The following LRMDA variants were observed in gnomAD, a reference collection of about 807,000 sequenced individuals.
LRMDA encodes leucine rich melanocyte differentiation associated.
Under a neutral mutation model 29.8 loss-of-function variants are expected in LRMDA, and 18 were observed. The ratio of observed to expected loss-of-function variants is 0.60; its 90% CI spans 0.42 to 0.90. LRMDA has a LOEUF of 0.90. Among genes scored for constraint, LRMDA ranks in the 40% least tolerant of loss-of-function variants. The probability of loss-of-function intolerance (pLI) is 0.00; values close to 1 mark genes in which losing one functional copy is unlikely to be tolerated. For synonymous variants in LRMDA, 125 were observed against 109.4 expected, an observed-to-expected ratio of 1.14 and a Z score of -0.89; for missense variants, 273 against 273.9, an observed-to-expected ratio of 1.00 and a Z score of 0.02.
intron 2 of LRMDA, among the ~76,000 whole-genome samples, chr10:75,798,735 G>A (rs1843696581): frequency 6.6e-6 from 1 of 151,968 alleles, no homozygotes; most frequent in South Asian, 2.1e-4. Context: ...TGTTTTAGAA[G>A]TGTATAGTTT....
In LRMDA at chr10:76,276,065, CTCTT is replaced by C. The variant is rs370080893; in HGVS notation, c.517-48328_517-48325del. Among the ~76,000 whole-genome samples the C allele has an allele frequency of 6.0e-3, 887 of 147,168 alleles. 10 individuals carry two copies. The highest frequency in any genetic ancestry group is 0.021 in the African/African-American group (845 of 40,270). On this transcript the variant is annotated intron_variant, in intron 5 of 6. Coordinates refer to ENST00000611255, the MANE Select transcript of LRMDA (RefSeq NM_001305581.2). The stretch of plus-strand genomic sequence containing the variant: ...TCTATCTATCTATCTCTTTCTTTCT[CTCTT>C]TCTTTCTCTCTCTTTCTTTCTTTCT...
intron 2 of LRMDA, among the ~76,000 whole-genome samples, chr10:75,645,229 C>T (rs988895466): frequency 2.4e-4 from 37 of 152,308 alleles, no homozygotes; most frequent in African/African-American, 8.4e-4. Context: ...GTGATGTACC[C>T]GCCTCAGTCT....
chr10:76,481,029 A>T (rs1222748107), intron 6 of LRMDA, among the ~76,000 whole-genome samples: 1 of 151,928 alleles, frequency 6.6e-6, no homozygotes, highest in East Asian at 1.9e-4. Flanking sequence ...TTTAGAATTC[A>T]GAAGCACTTA....
At chr10:75,784,427 C>T (rs184790041) in intron 2 of LRMDA, among the ~76,000 whole-genome samples, 3 of 152,218 alleles carry the variant, frequency 2.0e-5, no homozygotes, top group East Asian at 1.9e-4. Context: ...TGGCCGGGTG[C>T]GGTGGCTCAC....
At chr10:76,147,044 T>C (rs1042034067) in intron 5 of LRMDA, among the ~76,000 whole-genome samples, 2 of 152,230 alleles carry the variant, frequency 1.3e-5, no homozygotes, top group African/African-American at 4.8e-5. Context: ...GAGTTTCTGC[T>C]GAGAGATCCG....
intron 5 of LRMDA, among the ~76,000 whole-genome samples, chr10:76,311,660 T>A (rs1840630997): frequency 1.3e-5 from 2 of 152,200 alleles, no homozygotes; most frequent in South Asian, 4.1e-4. Flanking sequence ...CGGCTTTTAA[T>A]ACAATACACA....
At chr10:75,837,637 G>T (rs183346922) in intron 2 of LRMDA, among the ~76,000 whole-genome samples, 2 of 152,220 alleles carry the variant, frequency 1.3e-5, no homozygotes, top group African/African-American at 4.8e-5. Context: ...AGAAAGAAAA[G>T]ATAAATGCTT....
At chr10:76,005,487 C>T (rs1847633972) in intron 2 of LRMDA, among the ~76,000 whole-genome samples, 1 of 152,122 alleles carries the variant, frequency 6.6e-6, no homozygotes, top group East Asian at 1.9e-4. Context: ...TTCCTTGGCA[C>T]ATGTAGTTCC....
intron 6 of LRMDA, among the ~76,000 whole-genome samples, chr10:76,433,395 G>A (rs1842211694): frequency 6.6e-6 from 1 of 152,186 alleles, no homozygotes; most frequent in Non-Finnish European, 1.5e-5. Context: ...GAGCCAGAAC[G>A]AGGCACAGAC....
chr10:76,239,008 G>T (rs1276253727), intron 5 of LRMDA, among the ~76,000 whole-genome samples: 1 of 152,106 alleles, frequency 6.6e-6, no homozygotes, highest in Non-Finnish European at 1.5e-5. Flanking sequence ...GGAAAGGAAG[G>T]GGGTGAGATG....
chr10:75,803,988 C>T (rs1007289415), intron 2 of LRMDA, among the ~76,000 whole-genome samples: 10 of 152,174 alleles, frequency 6.6e-5, no homozygotes, highest in Admixed American at 3.9e-4. Flanking sequence ...GCCCAGGCAG[C>T]GTGTCATGTC....
intron 5 of LRMDA, among the ~76,000 whole-genome samples, chr10:76,323,557 T>C (rs2132397075): frequency 6.6e-6 from 1 of 152,300 alleles, no homozygotes; most frequent in South Asian, 2.1e-4. Context: ...GCGGTAATGC[T>C]TCTTGCTACT....
intron 2 of LRMDA, among the ~76,000 whole-genome samples, chr10:75,646,934 G>A (rs538163136): frequency 6.6e-6 from 1 of 152,348 alleles, no homozygotes; most frequent in South Asian, 2.1e-4. Context: ...GGACCTGCCT[G>A]ATAATGGACA....
intron 6 of LRMDA, among the ~76,000 whole-genome samples, chr10:76,423,925 C>G (rs1842096474): frequency 6.6e-6 from 1 of 152,154 alleles, no homozygotes; most frequent in African/African-American, 2.4e-5. Flanking sequence ...GGTCTCCTGA[C>G]TTCTAGGCTG....
intron 2 of LRMDA, among the ~76,000 whole-genome samples, chr10:75,688,312 TACC>T (rs1842106604): frequency 6.6e-6 from 1 of 152,240 alleles, no homozygotes; most frequent in South Asian, 2.1e-4. Flanking sequence ...AATCATAAAA[TACC>T]AACATTAGCA....
intron 6 of LRMDA, among the ~76,000 whole-genome samples, chr10:76,411,890 G>A (rs1841965243): frequency 6.6e-6 from 1 of 152,248 alleles, no homozygotes; most frequent in African/African-American, 2.4e-5. Flanking sequence ...AGCGGGGACA[G>A]TGATGGAAAA....
chr10:76,413,614 A>T (rs1841985750), intron 6 of LRMDA, among the ~76,000 whole-genome samples: 1 of 152,154 alleles, frequency 6.6e-6, no homozygotes, highest in Non-Finnish European at 1.5e-5. Context: ...TCAAGATGAG[A>T]TTTGGGTGAG....
intron 2 of LRMDA, among the ~76,000 whole-genome samples, chr10:75,913,654 G>A (rs566918033): frequency 2.6e-5 from 4 of 152,226 alleles, no homozygotes; most frequent in South Asian, 2.1e-4. Context: ...ACCTCTTTTC[G>A]TAGAGCTGCA....
At chr10:75,976,646 G>A (rs938069909) in intron 2 of LRMDA, among the ~76,000 whole-genome samples, 1 of 152,140 alleles carries the variant, frequency 6.6e-6, no homozygotes. Context: ...TATTTGCCAG[G>A]CATTGTCCCA....
Sources: allele counts gnomAD v4.1 joint callset (sites outside exome capture counted in the v4.1 genomes callset), GRCh38; gene constraint gnomAD v4.1.1; transcripts MANE v1.5; gene names NCBI Gene and HGNC (gene_info 2026-07-23, HGNC 2026-07-21).